Variants in SRRM2 observed in about 807,000 individuals in gnomAD.
SRRM2 encodes serine/arginine repetitive matrix protein 2.
A neutral mutation model predicts 213.8 loss-of-function variants in SRRM2; 30 were observed. The ratio of observed to expected loss-of-function variants is 0.14; its 90% CI spans 0.10 to 0.19. The LOEUF (loss-of-function observed/expected upper bound fraction) is 0.19. Ranked by LOEUF, SRRM2 falls within the 10% of genes least tolerant of loss-of-function variation. SRRM2 has a pLI of 1.00. For missense variants in SRRM2, 4,904 were observed against 3,647.0 expected, an observed-to-expected ratio of 1.34 and a Z score of -8.88; for synonymous variants, 2,025 against 1,377.7, an observed-to-expected ratio of 1.47 and a Z score of -10.40.
intron 12 of SRRM2, 50 bp downstream of exon 12, chr16:2,769,334 C>G (rs1415981158): frequency 6.6e-7 from 1 of 1,520,714 alleles, no homozygotes; most frequent in African/African-American, 1.4e-5. Context: ...AGTGACTTGT[C>G]CAGAGAAGGG....
At position 2,770,604 on chromosome 16, in the gene SRRM2, C is replaced by T. The variant is rs574790371; in HGVS notation, c.8136C>T (p.Ser2712=). 5.1e-5 allele frequency: 79 copies of T among 1,553,260 alleles called. No homozygotes were observed. In the South Asian group the frequency reaches 8.2e-4, roughly 16 times the overall value. The change falls in exon 14 of 15, where the codon AGC becomes AGT. Residue 2712 remains serine (S), a splice_region_variant and synonymous_variant. Coordinates refer to ENST00000301740, the MANE Select transcript of SRRM2 (RefSeq NM_016333.4). ...GCCTGATGTCTGTCCTGTGTTGCAG[C>T]AGCAGCAGTGAGCGGGGTTCCCGGA... is the stretch of plus-strand genomic sequence containing the variant. ...SPQPSPRDQQ[S]SSSERGSRRG... is the part of the protein sequence containing the mutation.
rs1403170208 is a variant in SRRM2 at position 2,756,509 on chromosome 16, C to T, written c.145C>T (p.Leu49=). The change falls in exon 2 of 15, where the codon CTG becomes TTG. Residue 49 remains leucine, a synonymous_variant. Coordinates refer to ENST00000301740, the MANE Select transcript of SRRM2 (RefSeq NM_016333.4). ...EEELRRLEAA[L]VKRPNPDILD... is the part of the protein sequence containing the mutation. The stretch of plus-strand genomic sequence containing the variant: ...GGAACTGCGGCGCCTGGAGGCTGCC[C>T]TGGTGAAGCGGCCTAATCCTGACAT... 1.1e-5 allele frequency: 17 copies of T among 1,614,074 alleles called. No homozygotes were observed. The highest frequency in any genetic ancestry group is 6.7e-5 in the Admixed American group (4 of 60,034).
rs545002417 is a variant in SRRM2 at position 2,763,530 on chromosome 16, C to T, written c.3002C>T (p.Ala1001Val). The part of the protein sequence containing the change: ...GSISPYPKVK[A>V]QTPPGPSLSG... ...ATTTCACCATACCCCAAAGTAAAGG[C>T]CCAAACTCCACCGGGGCCAAGTCTT... is the stretch of plus-strand genomic sequence containing the variant. The change falls in exon 11 of 15, where the codon GCC becomes GTC. Residue 1001 changes from alanine to valine, a missense_variant. Ala to Val is a moderately conservative substitution (Grantham distance 64). Transcript: ENST00000301740. The T allele has an allele frequency of 4.3e-6, 7 of 1,614,026 alleles. No homozygotes were observed. Among genetic ancestry groups the T allele is most frequent in the Non-Finnish European group, 5.9e-6 (7 of 1,180,034 alleles).
rs758395233 is a variant in SRRM2 at position 2,763,264 on chromosome 16, A to G, written c.2736A>G (p.Ser912=). 7.4e-5 allele frequency: 119 copies of G among 1,613,410 alleles called. 1 individual carries two copies. The South Asian group carries it at 9.6e-4, about 13-fold the overall frequency. The change falls in exon 11 of 15, where the codon TCA becomes TCG. Residue 912 remains serine (S), a synonymous_variant. Transcript: ENST00000301740. ...CTCCCAGACAGAGCCCATCTAGGTC[A>G]TCATCTCCACAACCCAAAGTGAAGG... ...STPPRQSPSR[S]SSPQPKVKAI...
chr16:2,769,299 G>T lies in SRRM2; in HGVS notation c.8021+15G>T. The T allele has an allele frequency of 1.3e-6, 2 of 1,541,266 alleles. No homozygotes were observed. The highest frequency in any genetic ancestry group is 1.7e-6 in the Non-Finnish European group (2 of 1,144,530). ...GGCGAGCGGAGGTGAGTGCTGTCTT[G>T]CCTGAGTTGAAAGGTGGGTGGGGGA... is the stretch of plus-strand genomic sequence containing the variant. On this transcript the variant is annotated intron_variant, in intron 12 of 14. Transcript: ENST00000301740.
chr16:2,764,709 C>T lies in SRRM2; in HGVS notation c.4181C>T (p.Ala1394Val). The T allele has an allele frequency of 1.9e-6, 3 of 1,614,076 alleles. No individual in the cohort carries two copies. Among genetic ancestry groups the T allele is most frequent in the Non-Finnish European group, 1.7e-6 (2 of 1,180,040 alleles). ...SELSPDAVEK[A>V]GMSSNQSISS... Reference sequence around the variant, plus strand: ...TTATCCCCAGATGCAGTGGAAAAGGCAGGGATGTCTTCAAATCAGAGCATC... The same window carrying T: ...TTATCCCCAGATGCAGTGGAAAAGGTAGGGATGTCTTCAAATCAGAGCATC... The change falls in exon 11 of 15, where the codon GCA (alanine) becomes GTA (valine). Residue 1394 changes from alanine to valine, a missense_variant. By Grantham distance (64) the Ala-to-Val change is moderately conservative. Coordinates refer to ENST00000301740, the MANE Select transcript of SRRM2 (RefSeq NM_016333.4).
rs953723247 is a variant in SRRM2 at position 2,758,094 on chromosome 16, G to A, written c.515+149G>A. 3 of 896,816 alleles carry A rather than the reference G, an allele frequency of 3.3e-6. No homozygotes were observed. The African/African-American group carries it at 5.1e-5, about 15-fold the overall frequency. 55.6% of individuals were successfully genotyped at this position (896,816 alleles called of 1,614,324 possible). A position where few individuals can be genotyped will look rare whatever the true frequency, so the allele number is the denominator to read the frequency against. The stretch of plus-strand genomic sequence containing the variant: ...GGTGTCCAAAAAAATGTGTCCAAGG[G>A]TTAGTCACAGTGGGTCACGCGCGTA... On this transcript the variant is annotated intron_variant, in intron 4 of 14. Transcript: ENST00000301740.
Position 2,767,410 on chromosome 16 carries a change from T to G in SRRM2, c.6882T>G (p.Ala2294=). 1 of 1,614,030 alleles carries G rather than the reference T, an allele frequency of 6.2e-7. No homozygotes were observed. The highest frequency in any genetic ancestry group is 8.5e-7 in the Non-Finnish European group (1 of 1,180,002). Residue 2294 remains alanine, a synonymous_variant, in exon 11 of 15, where the codon GCT becomes GCG. Transcript: ENST00000301740. ...ACCCTCGCACTCCCACAGCCCCAGCTGTGAACCTAGCAGGGGCCAGAACCC... is the reference window on the plus strand; with the variant it reads ...ACCCTCGCACTCCCACAGCCCCAGCGGTGAACCTAGCAGGGGCCAGAACCC... ...LADPRTPTAP[A]VNLAGARTPA...
At position 2,763,917 on chromosome 16, in the gene SRRM2, G is replaced by C. The variant is rs771720027; in HGVS notation, c.3389G>C (p.Gly1130Ala). 4 of 1,614,086 alleles carry C rather than the reference G, an allele frequency of 2.5e-6. No individual in the cohort carries two copies. The African/African-American group carries it at 5.3e-5, about 22-fold the overall frequency. ...TCAGCGAGTCCTATGTTGAAATCTGGAATGTCTCCTGAGCAGAGCAGGTTC... is the reference window on the plus strand; with the variant it reads ...TCAGCGAGTCCTATGTTGAAATCTGCAATGTCTCCTGAGCAGAGCAGGTTC... ...EFSASPMLKS[G>A]MSPEQSRFQS... Residue 1130 changes from glycine (G) to alanine (A), a missense_variant, in exon 11 of 15, where the codon GGA becomes GCA. Gly to Ala is a moderately conservative substitution (Grantham distance 60). Transcript: ENST00000301740.
At position 2,762,979 on chromosome 16, in the gene SRRM2, C is replaced by T. The variant is rs2068413619; in HGVS notation, c.2451C>T (p.Ser817=). Reference sequence around the variant, plus strand: ...GAACGCCACCCAGACGCAGTCGCTCCAGTTCTTCTCCGCCACCTAAACAGA... The same window carrying T: ...GAACGCCACCCAGACGCAGTCGCTCTAGTTCTTCTCCGCCACCTAAACAGA... ...KSRTPPRRSR[S]SSSPPPKQKS... Residue 817 remains serine (S), a synonymous_variant, in exon 11 of 15, where the codon TCC becomes TCT. Coordinates refer to ENST00000301740, the MANE Select transcript of SRRM2 (RefSeq NM_016333.4). 6.2e-7 allele frequency: 1 copy of T among 1,614,120 alleles called. No homozygotes were observed. The highest frequency in any genetic ancestry group is 1.6e-4 in the Middle Eastern group (1 of 6,062).
chr16:2,763,662 C>A lies in SRRM2; in HGVS notation c.3134C>A (p.Pro1045Gln). The change falls in exon 11 of 15, where the codon CCA (proline) becomes CAA (glutamine). Residue 1045 changes from proline (P) to glutamine (Q), a missense_variant. By Grantham distance (76) the Pro-to-Gln change is moderately conservative. Coordinates refer to ENST00000301740, the MANE Select transcript of SRRM2 (RefSeq NM_016333.4). ...GCAGGAGTAAAATCTAGCACACCAC[C>A]AGGCGAGAGCTATTTTGGTGTCTCA... Reference protein sequence around the residue: ...LCAGVKSSTPPGESYFGVSSL... With the variant: ...LCAGVKSSTPQGESYFGVSSL... The A allele has an allele frequency of 1.2e-6, 2 of 1,614,188 alleles. No individual in the cohort carries two copies. The highest frequency in any genetic ancestry group is 1.7e-6 in the Non-Finnish European group (2 of 1,180,052).
At chr16:2,756,226 A>C in intron 1 of SRRM2, 108 bp from the exon 2 acceptor site, 2 of 1,053,016 alleles carry the variant, frequency 1.9e-6, no homozygotes, top group Non-Finnish European at 2.7e-6. Flanking sequence ...CTTAGTGTGA[A>C]GATCAATGTT....
Position 2,763,582 on chromosome 16 carries a change from A to G in SRRM2, c.3054A>G (p.Gln1018=), listed in dbSNP as rs2068438796. 6.2e-7 allele frequency: 1 copy of G among 1,614,050 alleles called. No homozygotes were observed. Among genetic ancestry groups the G allele is most frequent in the Non-Finnish European group, 8.5e-7 (1 of 1,180,044 alleles). ...SLSGSKSPCP[Q]EKSKDSLVQS... ...CTGGATCAAAGTCACCATGTCCCCA[A>G]GAGAAGTCTAAAGACTCACTAGTTC... Residue 1018 remains glutamine, a synonymous_variant, in exon 11 of 15, where the codon CAA becomes CAG. Transcript: ENST00000301740.
rs775291380 is a variant in SRRM2, at chr16:2,765,470, TCTC to T, written c.4945_4947del (p.Pro1649del). The T allele has an allele frequency of 1.4e-5, 23 of 1,614,048 alleles. No homozygotes were observed. The highest frequency in any genetic ancestry group is 5.3e-5 in the African/African-American group (4 of 74,996). ...TTCATCAAGCAAAGGCAGAGGCCCT[TCTC>T]CTGAAGGAAGCAGCAGTACCGAGTC... On this transcript the variant is annotated inframe_deletion, in exon 11 of 15. Transcript: ENST00000301740.
At chr16:2,761,521 G>A (rs748076914) in intron 10 of SRRM2, 40 bp from the exon 11 acceptor site, 27 of 1,447,726 alleles carry the variant, frequency 1.9e-5, no homozygotes, top group African/African-American at 2.9e-5. Context: ...AAGTTTTGGC[G>A]TTTATGAATC....
At position 2,767,405 on chromosome 16, in the gene SRRM2, C is replaced by G. The variant is rs1038797583; in HGVS notation, c.6877C>G (p.Pro2293Ala). 2 of 1,613,910 alleles carry G rather than the reference C, an allele frequency of 1.2e-6. No homozygotes were observed. Among genetic ancestry groups the G allele is most frequent in the African/African-American group, 1.3e-5 (1 of 74,922 alleles). The change falls in exon 11 of 15, where the codon CCA (proline) becomes GCA (alanine). Residue 2293 changes from proline (P) to alanine (A), a missense_variant. Pro to Ala is a conservative substitution (Grantham distance 27). Transcript: ENST00000301740. ...NLADPRTPTA[P>A]AVNLAGARTP... The stretch of plus-strand genomic sequence containing the variant: ...GGCTGACCCTCGCACTCCCACAGCC[C>G]CAGCTGTGAACCTAGCAGGGGCCAG...
In SRRM2 at chr16:2,762,642, G is replaced by A; in HGVS notation, c.2114G>A (p.Arg705Lys). 2 of 1,614,176 alleles carry A rather than the reference G, an allele frequency of 1.2e-6. No homozygotes were observed. Among genetic ancestry groups the A allele is most frequent in the Non-Finnish European group, 1.7e-6 (2 of 1,180,034 alleles). Reference protein sequence around the residue: ...RTPRRGRSRSRSLVRRGRSHS... With the variant: ...RTPRRGRSRSKSLVRRGRSHS... ...CCAAGACGAGGAAGATCCCGCAGTA[G>A]AAGCTTAGTTAGACGTGGAAGATCT... Residue 705 changes from arginine to lysine, a missense_variant, in exon 11 of 15, where the codon AGA becomes AAA. Coordinates refer to ENST00000301740, the MANE Select transcript of SRRM2 (RefSeq NM_016333.4).
rs769741112 is a variant in SRRM2 at position 2,763,996 on chromosome 16, G to A, written c.3468G>A (p.Gln1156=). 13 of 1,614,212 alleles carry A rather than the reference G, an allele frequency of 8.1e-6. 1 individual carries two copies. In the Middle Eastern group the frequency reaches 8.2e-4, roughly 102 times the overall value. ...PTVDSNSLLG[Q]SRLETAESKE... is the part of the protein sequence containing the mutation. ...TGGACTCGAATTCTCTCTTGGGGCA[G>A]AGTAGATTGGAGACTGCTGAATCAA... Residue 1156 remains glutamine (Q), a synonymous_variant, in exon 11 of 15, where the codon CAG becomes CAA. Coordinates refer to ENST00000301740, the MANE Select transcript of SRRM2 (RefSeq NM_016333.4).
In SRRM2 at chr16:2,757,874, C is replaced by G; in HGVS notation, c.444C>G (p.Gly148=). 6.2e-7 allele frequency: 1 copy of G among 1,614,190 alleles called. No homozygotes were observed. The highest frequency in any genetic ancestry group is 8.5e-7 in the Non-Finnish European group (1 of 1,180,028). ...AFGISDSYVD[G]SSFDPQRRAR... is the part of the protein sequence containing the mutation. ...GCATCAGTGATTCTTACGTAGATGGCAGCTCTTTTGATCCTCAGCGTCGTG... is the reference window on the plus strand; with the variant it reads ...GCATCAGTGATTCTTACGTAGATGGGAGCTCTTTTGATCCTCAGCGTCGTG... Residue 148 remains glycine (G), a synonymous_variant, in exon 4 of 15, where the codon GGC becomes GGG. Coordinates refer to ENST00000301740, the MANE Select transcript of SRRM2 (RefSeq NM_016333.4).
Sources: gnomAD v4.1 joint callset for allele counts on GRCh38, gnomAD v4.1.1 for gene constraint, MANE v1.5 for transcripts, NCBI Gene and HGNC (gene_info 2026-07-23, HGNC 2026-07-21) for gene names.